Variants in FRMD4A observed in about 807,000 individuals in gnomAD.
The protein encoded by FRMD4A is FERM domain containing 4A.
Under a neutral mutation model 129.1 loss-of-function variants are expected in FRMD4A, and 29 were observed. The observed-to-expected ratio is 0.22, with a 90% confidence interval of 0.17 to 0.31. FRMD4A has a LOEUF of 0.31. Ranked by LOEUF, FRMD4A falls within the 10% of genes least tolerant of loss-of-function variation. FRMD4A has a pLI of 1.00. For missense variants in FRMD4A, 1,272 were observed against 1,375.8 expected (o/e 0.92, Z 1.19); for synonymous variants, 634 against 571.6 (o/e 1.11, Z -1.56).
intron 2 of FRMD4A, among the ~76,000 whole-genome samples, chr10:14,032,067 T>C (rs1048591368): frequency 6.6e-6 from 1 of 152,168 alleles, no homozygotes; most frequent in Non-Finnish European, 1.5e-5. Context: ...CTCAGCCTCT[T>C]GAGTAGCTGG....
chr10:13,673,496 G>C (rs1160857430), intron 16 of FRMD4A, among the ~76,000 whole-genome samples: 1 of 152,130 alleles, frequency 6.6e-6, no homozygotes, highest in Non-Finnish European at 1.5e-5. Context: ...CTCTTTCTAA[G>C]GTTAGGTGGT....
At chr10:13,666,686 C>A (rs529608997) in intron 17 of FRMD4A, among the ~76,000 whole-genome samples, 1 of 152,214 alleles carries the variant, frequency 6.6e-6, no homozygotes, top group South Asian at 2.1e-4. Flanking sequence ...ACTTCCTTTC[C>A]ATTTTGGATG....
chr10:14,073,265 G>A (rs1003964225), intron 2 of FRMD4A, among the ~76,000 whole-genome samples: 25 of 152,000 alleles, frequency 1.6e-4, no homozygotes, highest in African/African-American at 5.1e-4. Context: ...GAGTGAGGGC[G>A]AGTTGGATGC....
chr10:14,149,350 T>C (rs1335857572), intron 2 of FRMD4A, among the ~76,000 whole-genome samples: 1 of 152,194 alleles, frequency 6.6e-6, no homozygotes, highest in Non-Finnish European at 1.5e-5. Flanking sequence ...TTTATGTATT[T>C]ATTTTTAGAG....
At chr10:13,729,062 T>C (rs1057143094) in intron 12 of FRMD4A, among the ~76,000 whole-genome samples, 3 of 151,406 alleles carry the variant, frequency 2.0e-5, no homozygotes, top group Admixed American at 2.0e-4. Flanking sequence ...GAACTCCCCA[T>C]GCCCTCCACC....
intron 2 of FRMD4A, among the ~76,000 whole-genome samples, chr10:14,159,498 T>A (rs960784634): frequency 6.6e-6 from 1 of 152,086 alleles, no homozygotes. Flanking sequence ...AATGAACATA[T>A]CCCATGCTTA....
rs71477244 is a variant in FRMD4A, at chr10:14,236,995, C to CAAAAAAAAAAAA, written c.45+93051_45+93062dup. On this transcript the variant is annotated intron_variant, in intron 2 of 24. Coordinates refer to ENST00000357447, the MANE Select transcript of FRMD4A (RefSeq NM_018027.5). ...CTGAGAAGGAACTCCAACAGGTCAG[C>CAAAAAAAAAAAA]AAAAAAAAAAAAAAAAAAAAAAAAA... 1.9e-4 allele frequency among the ~76,000 whole-genome samples: 14 copies of CAAAAAAAAAAAA among 75,392 alleles called. 1 individual carries two copies. Among genetic ancestry groups the CAAAAAAAAAAAA allele is most frequent in the African/African-American group, 6.6e-4 (14 of 21,228 alleles). 49.5% of individuals were successfully genotyped at this position (75,392 alleles called of 152,430 possible).
chr10:13,752,855 A>G (rs76726245), intron 8 of FRMD4A, among the ~76,000 whole-genome samples: 26 of 152,188 alleles, frequency 1.7e-4, no homozygotes, highest in African/African-American at 6.3e-4. Context: ...ATCTTTTTGC[A>G]TGAGGCAATG....
At chr10:13,745,475 C>G (rs1447983245) in intron 9 of FRMD4A, among the ~76,000 whole-genome samples, 2 of 152,176 alleles carry the variant, frequency 1.3e-5, no homozygotes, top group Non-Finnish European at 2.9e-5. Flanking sequence ...AGGGAAAGCG[C>G]TGGCCTGGTC....
intron 2 of FRMD4A, among the ~76,000 whole-genome samples, chr10:14,184,793 G>A (rs1189515662): frequency 1.3e-5 from 2 of 152,102 alleles, no homozygotes; most frequent in African/African-American, 2.4e-5. Context: ...GAGAATAAAG[G>A]CGCATTTTCT....
At chr10:13,934,941 C>T (rs1281385056) in intron 2 of FRMD4A, among the ~76,000 whole-genome samples, 1 of 152,088 alleles carries the variant, frequency 6.6e-6, no homozygotes, top group African/African-American at 2.4e-5. Context: ...TCAGGTGAGG[C>T]CTCTGTCTGC....
chr10:13,961,149 C>T (rs1461615072), intron 2 of FRMD4A, among the ~76,000 whole-genome samples: 1 of 152,216 alleles, frequency 6.6e-6, no homozygotes, highest in Admixed American at 6.5e-5. Context: ...TATGCTCTCT[C>T]TCAATCTGTA....
intron 2 of FRMD4A, among the ~76,000 whole-genome samples, chr10:13,960,951 G>A (rs2131359330): frequency 6.6e-6 from 1 of 152,162 alleles, no homozygotes; most frequent in East Asian, 1.9e-4. Context: ...ACCTACCAGA[G>A]CATGTTTAAC....
intron 2 of FRMD4A, among the ~76,000 whole-genome samples, chr10:14,270,713 T>C (rs1296540818): frequency 7.2e-5 from 11 of 152,232 alleles, no homozygotes; most frequent in Non-Finnish European, 1.5e-4. Flanking sequence ...ACTGCGACTT[T>C]AAGTGAAACA....
intron 2 of FRMD4A, among the ~76,000 whole-genome samples, chr10:14,155,188 G>A (rs555350233): frequency 5.3e-5 from 8 of 152,276 alleles, no homozygotes; most frequent in Non-Finnish European, 5.9e-5. Context: ...CCAGCTACTC[G>A]GGAGGCTGAG....
intron 2 of FRMD4A, among the ~76,000 whole-genome samples, chr10:14,051,237 T>C (rs1228876698): frequency 6.6e-6 from 1 of 152,192 alleles, no homozygotes; most frequent in Non-Finnish European, 1.5e-5. Flanking sequence ...GGGCAGCCTC[T>C]CCTTACCGAG....
intron 2 of FRMD4A, among the ~76,000 whole-genome samples, chr10:14,305,437 CA>C (rs1259019758): frequency 1.3e-5 from 2 of 152,174 alleles, no homozygotes; most frequent in African/African-American, 4.8e-5. Context: ...TTTGTATCCC[CA>C]GTATAACAAT....
chr10:13,683,391 C>T lies in FRMD4A; in HGVS notation c.1118-8347G>A, dbSNP rs115970617. Among the ~76,000 whole-genome samples, 714 of 151,694 alleles carry T rather than the reference C, an allele frequency of 4.7e-3. 6 individuals carry two copies. The highest frequency in any genetic ancestry group is 0.016 in the African/African-American group (672 of 41,368). On this transcript the variant is annotated intron_variant, in intron 15 of 24. Coordinates refer to ENST00000357447, the MANE Select transcript of FRMD4A (RefSeq NM_018027.5). ...CTTAATGCCAGGAGTTTGAGACTATCCTGGGCAACACAGCGAGACCCTATC... is the reference window on the plus strand; with the variant it reads ...CTTAATGCCAGGAGTTTGAGACTATTCTGGGCAACACAGCGAGACCCTATC...
At chr10:13,698,513 A>C (rs575178465) in intron 14 of FRMD4A, among the ~76,000 whole-genome samples, 3 of 152,334 alleles carry the variant, frequency 2.0e-5, no homozygotes, top group African/African-American at 7.2e-5. Context: ...TTGTAATGTA[A>C]TTCCCAAAGG....
Sources: gnomAD v4.1 joint callset for allele counts (sites outside exome capture counted in the v4.1 genomes callset) on GRCh38, gnomAD v4.1.1 for gene constraint, MANE v1.5 for transcripts, NCBI Gene and HGNC (gene_info 2026-07-23, HGNC 2026-07-21) for gene names.